The following SRGAP3 variants were observed in gnomAD, a reference collection of about 807,000 sequenced individuals.
SRGAP3 encodes the protein SLIT-ROBO Rho GTPase-activating protein 3.
Under a neutral mutation model 121.1 loss-of-function variants are expected in SRGAP3, and 39 were observed. The ratio of observed to expected loss-of-function variants is 0.32; its 90% confidence interval spans 0.25 to 0.42. SRGAP3 has a LOEUF of 0.42. Among genes scored for constraint, SRGAP3 ranks in the 10% least tolerant of loss-of-function variants. The pLI, the probability that SRGAP3 is intolerant of heterozygous loss-of-function variation, is 1.00. For missense variants in SRGAP3, 1,213 were observed against 1,470.6 expected (o/e 0.82, Z 2.86); for synonymous variants, 601 against 570.0 (o/e 1.05, Z -0.77).
rs552319348 is a variant in SRGAP3 at position 8,992,935 on chromosome 3, C to G, written c.2529G>C (p.Ser843=). The change falls in exon 20 of 22, where the codon TCG becomes TCC. Residue 843 remains serine, a synonymous_variant. Transcript: ENST00000383836. The part of the protein sequence containing the change: ...NDLQSPTEHI[S]DYGFGGVMGR... Reference sequence around the variant, plus strand: ...CCATCACCCCCCCAAAGCCGTAATCCGAGATGTGCTCCGTGGGGGACTGGA... The same window carrying G: ...CCATCACCCCCCCAAAGCCGTAATCGGAGATGTGCTCCGTGGGGGACTGGA... 1 of 1,614,078 alleles carries G rather than the reference C, an allele frequency of 6.2e-7. No homozygotes were observed. Among genetic ancestry groups the G allele is most frequent in the Non-Finnish European group, 8.5e-7 (1 of 1,180,054 alleles).
At chr3:9,314,205 T>C (rs1383986941) in intron 3 of SRGAP3, among the ~76,000 whole-genome samples, 1 of 152,098 alleles carries the variant, frequency 6.6e-6, no homozygotes, top group Non-Finnish European at 1.5e-5. Context: ...TGTAGGAGAA[T>C]ACTGAGGAGA....
intron 1 of SRGAP3, among the ~76,000 whole-genome samples, chr3:9,151,972 C>G (rs534291791): frequency 6.6e-6 from 1 of 152,202 alleles, no homozygotes; most frequent in Non-Finnish European, 1.5e-5. Flanking sequence ...TGCTCCTCCC[C>G]ACATCATCCA....
chr3:9,056,422 A>C, intron 7 of SRGAP3, 88 bp from the exon 8 acceptor site: 9 of 1,353,868 alleles, frequency 6.6e-6, no homozygotes, highest in East Asian at 2.4e-5. Flanking sequence ...TAACATCCCA[A>C]TCACAGTCCA....
At chr3:9,334,975 C>T (rs760989131) in intron 1 of SRGAP3, among the ~76,000 whole-genome samples, 4 of 152,200 alleles carry the variant, frequency 2.6e-5, no homozygotes, top group Non-Finnish European at 4.4e-5. Flanking sequence ...ATGTACCTGC[C>T]TACAGGGGCC....
At chr3:9,352,390 C>T (rs1020647939) in intron 1 of SRGAP3, among the ~76,000 whole-genome samples, 2 of 151,642 alleles carry the variant, frequency 1.3e-5, no homozygotes, top group Admixed American at 6.6e-5. Flanking sequence ...TCTCCTGCCT[C>T]AGCCTCCTGA....
At chr3:9,070,237 A>G (rs887125507) in intron 4 of SRGAP3, among the ~76,000 whole-genome samples, 3 of 152,264 alleles carry the variant, frequency 2.0e-5, no homozygotes, top group Admixed American at 6.5e-5. Context: ...GGACACCTGA[A>G]GCAGGATAAG....
At chr3:9,233,487 G>C (rs1307043689) in intron 1 of SRGAP3, among the ~76,000 whole-genome samples, 7 of 152,146 alleles carry the variant, frequency 4.6e-5, no homozygotes, top group Non-Finnish European at 1.0e-4. Context: ...ATCCTGAATA[G>C]AGCTATTATA....
chr3:9,120,029 CA>C (rs1269874766), intron 2 of SRGAP3, among the ~76,000 whole-genome samples: 1 of 152,218 alleles, frequency 6.6e-6, no homozygotes, highest in Non-Finnish European at 1.5e-5. Flanking sequence ...GAGAGATAAT[CA>C]GAATACTCCA....
intron 1 of SRGAP3, among the ~76,000 whole-genome samples, chr3:9,207,720 G>A (rs1952311620): frequency 6.6e-6 from 1 of 152,150 alleles, no homozygotes. Flanking sequence ...TGAGGTAGCC[G>A]GGCCTTTGGG....
chr3:9,283,465 T>C (rs1954716152), intron 3 of SRGAP3, among the ~76,000 whole-genome samples: 1 of 152,218 alleles, frequency 6.6e-6, no homozygotes, highest in Non-Finnish European at 1.5e-5. Flanking sequence ...CAACATCACA[T>C]TCACTAACAT....
intron 1 of SRGAP3, among the ~76,000 whole-genome samples, chr3:9,242,410 G>A (rs1953678582): frequency 1.3e-5 from 2 of 152,200 alleles, no homozygotes; most frequent in Admixed American, 6.5e-5. Flanking sequence ...CGAGGCGGGT[G>A]GATCACCTGA....
chr3:9,155,302 CT>C (rs1950378847), intron 1 of SRGAP3, among the ~76,000 whole-genome samples: 1 of 152,098 alleles, frequency 6.6e-6, no homozygotes, highest in Admixed American at 6.5e-5. Flanking sequence ...GGTAATTTGT[CT>C]TTTCTCTCTG....
At chr3:9,236,580 C>A (rs1409467927) in intron 1 of SRGAP3, among the ~76,000 whole-genome samples, 2 of 150,114 alleles carry the variant, frequency 1.3e-5, no homozygotes, top group Non-Finnish European at 3.0e-5. Flanking sequence ...TGTGGCACTT[C>A]CCCCCCCCTC....
chr3:9,331,890 T>C (rs1445536088), intron 1 of SRGAP3, among the ~76,000 whole-genome samples: 1 of 152,058 alleles, frequency 6.6e-6, no homozygotes, highest in African/African-American at 2.4e-5. Flanking sequence ...CCAGACAAAA[T>C]TAGCAGAAAA....
chr3:9,340,883 C>G (rs1955776001), intron 1 of SRGAP3, among the ~76,000 whole-genome samples: 2 of 152,184 alleles, frequency 1.3e-5, no homozygotes, highest in African/African-American at 4.8e-5. Context: ...AGGAGTCTGG[C>G]ATCCTGGGCT....
chr3:9,299,911 A>C (rs1280162009), intron 3 of SRGAP3, among the ~76,000 whole-genome samples: 3 of 151,944 alleles, frequency 2.0e-5, no homozygotes, highest in Non-Finnish European at 4.4e-5. Context: ...TCTCAAAAAC[A>C]AACAAACACC....
intron 3 of SRGAP3, 125 bp from the exon 4 acceptor site, chr3:9,080,212 T>C (rs1947174152): frequency 3.6e-6 from 3 of 830,838 alleles, no homozygotes; most frequent in Admixed American, 2.1e-5. Flanking sequence ...GAAATCAGCA[T>C]AAATTTCATT....
chr3:9,204,514 G>A (rs563370496), intron 1 of SRGAP3, among the ~76,000 whole-genome samples: 38 of 152,338 alleles, frequency 2.5e-4, no homozygotes, highest in African/African-American at 4.1e-4. Context: ...GATCTTATCC[G>A]TTGGGAGATA....
intron 1 of SRGAP3, among the ~76,000 whole-genome samples, chr3:9,342,627 A>C (rs550800946): frequency 6.6e-6 from 1 of 152,336 alleles, no homozygotes; most frequent in South Asian, 2.1e-4. Flanking sequence ...GCCTGATGCC[A>C]GTGAAGAGGT....
Sources: allele counts gnomAD v4.1 joint callset (sites outside exome capture counted in the v4.1 genomes callset), GRCh38; gene constraint gnomAD v4.1.1; transcripts MANE v1.5; gene names NCBI Gene and HGNC (gene_info 2026-07-23, HGNC 2026-07-21).